UFSP2: variants seen among roughly 807,000 people sequenced by gnomAD.
UFSP2 encodes UFM1 specific peptidase 2, also known as ufm1-specific protease 2.
Under a neutral mutation model 60.2 loss-of-function variants are expected in UFSP2, and 43 were observed. That is an observed-to-expected ratio of 0.71 (90% confidence interval 0.56 to 0.92). The LOEUF is 0.92. UFSP2 is among the 40% of genes least tolerant of loss of function. UFSP2 has a pLI of 0.00. For missense variants in UFSP2, 520 were observed against 575.0 expected, an observed-to-expected ratio of 0.90 and a Z score of 0.98; for synonymous variants, 183 against 195.1, an observed-to-expected ratio of 0.94 and a Z score of 0.52.
chr4:185,407,756 C>T (rs146765412), intron 9 of UFSP2, among the ~76,000 whole-genome samples, 180 bp downstream of exon 9: 14 of 148,294 alleles, frequency 9.4e-5, no homozygotes, highest in African/African-American at 3.0e-4. Context: ...TCAGAGCCTT[C>T]CAAAAAAAAA....
rs2095523971 is a variant in UFSP2, at chr4:185,408,389, T to A, written c.878A>T (p.Asp293Val). Reference sequence around the variant, plus strand: ...GCCCCAGCCATTGTCATCTATGCGATCCTGCATATAATGATGATAGCCATA... The same window carrying A: ...GCCCCAGCCATTGTCATCTATGCGAACCTGCATATAATGATGATAGCCATA... ...GIYGYHHYMQDRIDDNGWGCA... is the reference protein window; with the variant it reads ...GIYGYHHYMQVRIDDNGWGCA... Residue 293 changes from aspartate (D) to valine (V), a missense_variant, in exon 8 of 12, where the codon GAT becomes GTT. Asp to Val is a radical substitution (Grantham distance 152, BLOSUM62 -3). Transcript: ENST00000264689. 1 of 1,614,062 alleles carries A rather than the reference T, an allele frequency of 6.2e-7. No individual in the cohort carries two copies. The highest frequency in any genetic ancestry group is 1.3e-5 in the African/African-American group (1 of 74,922).
chr4:185,414,457 T>C (rs190125080), intron 6 of UFSP2, among the ~76,000 whole-genome samples: 1 of 152,352 alleles, frequency 6.6e-6, no homozygotes, highest in Non-Finnish European at 1.5e-5. Flanking sequence ...TTCTTTATCA[T>C]ATCTTGTACT....
chr4:185,415,990 C>G, intron 4 of UFSP2, 123 bp from the exon 5 acceptor site: 2 of 746,320 alleles, frequency 2.7e-6, no homozygotes, highest in Non-Finnish European at 4.1e-6. Context: ...TAGCCAAGTA[C>G]AGTAGTGAAA....
At chr4:185,414,016 C>T in intron 6 of UFSP2, 144 bp from the exon 7 acceptor site, 1 of 658,538 alleles carries the variant, frequency 1.5e-6, no homozygotes, top group Non-Finnish European at 2.3e-6. Context: ...TCACTAACAT[C>T]AAAGATGGTG....
At chr4:185,420,430 T>G (rs967339116) in intron 2 of UFSP2, among the ~76,000 whole-genome samples, 1 of 152,120 alleles carries the variant, frequency 6.6e-6, no homozygotes. Flanking sequence ...AGCCTTACAT[T>G]CCTAAATCCT....
At chr4:185,417,636 C>T (rs941862126) in intron 4 of UFSP2, among the ~76,000 whole-genome samples, 6 of 152,192 alleles carry the variant, frequency 3.9e-5, no homozygotes, top group East Asian at 1.9e-4. Flanking sequence ...GAAACACTGT[C>T]GTCACATTAA....
intron 2 of UFSP2, among the ~76,000 whole-genome samples, chr4:185,419,089 C>G (rs868149844): frequency 4.6e-5 from 7 of 152,098 alleles, no homozygotes; most frequent in African/African-American, 7.2e-5. Flanking sequence ...TTCTCATTCC[C>G]CCTACTTTTC....
intron 4 of UFSP2, among the ~76,000 whole-genome samples, chr4:185,418,071 C>CACACA (rs761008119): frequency 2.0e-5 from 3 of 151,700 alleles, no homozygotes. Context: ...CACACACAAA[C>CACACA]AACAGAACCA....
intron 1 of UFSP2, 37 bp downstream of exon 1, chr4:185,425,829 A>G (rs1290758953): frequency 1.3e-6 from 2 of 1,597,378 alleles, no homozygotes; most frequent in East Asian, 4.6e-5. Context: ...AAGTCCGGGG[A>G]AAAACACAGG....
chr4:185,423,064 G>A (rs1008613588), intron 1 of UFSP2, among the ~76,000 whole-genome samples: 3 of 152,136 alleles, frequency 2.0e-5, no homozygotes, highest in African/African-American at 7.2e-5. Flanking sequence ...TCAGAATATT[G>A]GCCAGGCTGG....
intron 11 of UFSP2, 21 bp from the exon 12 acceptor site, chr4:185,400,499 A>G: frequency 6.3e-7 from 1 of 1,582,200 alleles, no homozygotes. Context: ...AAGACGGGAA[A>G]GGAAAGCCTT....
chr4:185,400,495 G>A lies in UFSP2; in HGVS notation c.1324-17C>T, dbSNP rs2095512018. ...GCACCAGCCCTGGATAGAGAAGACG[G>A]GAAAGGAAAGCCTTTTACAAAGTTA... On this transcript the variant is annotated splice_polypyrimidine_tract_variant and intron_variant, in intron 11 of 11. Coordinates refer to ENST00000264689, the MANE Select transcript of UFSP2 (RefSeq NM_018359.5). 1 of 1,588,996 alleles carries A rather than the reference G, an allele frequency of 6.3e-7. No homozygotes were observed. Among genetic ancestry groups the A allele is most frequent in the African/African-American group, 1.3e-5 (1 of 74,188 alleles).
chr4:185,410,392 G>C (rs913104059), intron 7 of UFSP2, among the ~76,000 whole-genome samples: 1 of 152,210 alleles, frequency 6.6e-6, no homozygotes, highest in African/African-American at 2.4e-5. Flanking sequence ...GCTCATGCCT[G>C]TAATCCCAGC....
intron 7 of UFSP2, among the ~76,000 whole-genome samples, chr4:185,413,180 C>G (rs1316905540): frequency 1.3e-5 from 2 of 151,906 alleles, no homozygotes; most frequent in Non-Finnish European, 2.9e-5. Flanking sequence ...TGGCAGGTGC[C>G]TGTAACCCTA....
chr4:185,413,298 G>A (rs2095532758), intron 7 of UFSP2, among the ~76,000 whole-genome samples: 1 of 152,172 alleles, frequency 6.6e-6, no homozygotes, highest in South Asian at 2.1e-4. Context: ...TGAGGCAGGA[G>A]AATTGCTTGA....
At chr4:185,404,349 G>GCGA in intron 10 of UFSP2, among the ~76,000 whole-genome samples, 1 of 141,856 alleles carries the variant, frequency 7.0e-6, no homozygotes, top group South Asian at 2.3e-4. Context: ...AGGCTGGAGT[G>GCGA]CGATAGCGTG....
chr4:185,403,735 C>T (rs766706709), intron 10 of UFSP2, 117 bp from the exon 11 acceptor site: 10 of 1,294,690 alleles, frequency 7.7e-6, no homozygotes, highest in Non-Finnish European at 1.0e-5. Context: ...AATCCCAGCA[C>T]TTTGGGAGGT....
chr4:185,418,253 G>C (rs1035799021), intron 4 of UFSP2, among the ~76,000 whole-genome samples, 188 bp downstream of exon 4: 1 of 152,110 alleles, frequency 6.6e-6, no homozygotes, highest in Non-Finnish European at 1.5e-5. Context: ...TTGAGATTAT[G>C]TATTATAATC....
rs74826417 is a variant in UFSP2, at chr4:185,418,164, T to C, written c.333+277A>G. 9.9e-3 allele frequency among the ~76,000 whole-genome samples: 1,511 copies of C among 152,222 alleles called. 35 individuals carry two copies. Among genetic ancestry groups the C allele is most frequent in the African/African-American group, 0.035 (1,443 of 41,554 alleles). Reference sequence around the variant, plus strand: ...CACTTTGTCATGATTCAGAATGCGATTTAATTTAAGTAATTTATAAATGTA... The same window carrying C: ...CACTTTGTCATGATTCAGAATGCGACTTAATTTAAGTAATTTATAAATGTA... On this transcript the variant is annotated intron_variant, in intron 4 of 11. Coordinates refer to ENST00000264689, the MANE Select transcript of UFSP2 (RefSeq NM_018359.5).
Sources: gnomAD v4.1 joint callset for allele counts (sites outside exome capture counted in the v4.1 genomes callset) on GRCh38, gnomAD v4.1.1 for gene constraint, MANE v1.5 for transcripts, NCBI Gene and HGNC (gene_info 2026-07-23, HGNC 2026-07-21) for gene names.